The following DYNC1LI2 variants were observed in gnomAD, a reference collection of about 807,000 sequenced individuals.
The protein encoded by DYNC1LI2 is cytoplasmic dynein 1 light intermediate chain 2.
DYNC1LI2 carries 19 observed loss-of-function variants against 57.8 expected under a neutral mutation model. That is an observed-to-expected ratio of 0.33 (90% CI 0.23 to 0.48). The LOEUF is 0.48. DYNC1LI2 is among the 20% of genes least tolerant of loss of function. DYNC1LI2 has a pLI of 0.99. For missense variants in DYNC1LI2, 470 were observed against 604.2 expected (o/e 0.78, Z 2.33); for synonymous variants, 256 against 233.4 (o/e 1.10, Z -0.88).
At chr16:66,730,526 A>C (rs1402119519) in intron 7 of DYNC1LI2, 1 of 229,858 alleles carries the variant, frequency 4.4e-6, no homozygotes, top group Admixed American at 5.4e-5. Context: ...TCTGCCTAGA[A>C]GAGCAAGGAC....
intron 4 of DYNC1LI2, 146 bp downstream of exon 4, chr16:66,742,292 T>A (rs2017854197): frequency 1.3e-6 from 1 of 763,720 alleles, no homozygotes; most frequent in South Asian, 1.9e-5. Context: ...ACTACTGAGT[T>A]TACAAGAGGA....
chr16:66,723,935 C>G, intron 12 of DYNC1LI2, 113 bp from the exon 13 acceptor site: 1 of 853,084 alleles, frequency 1.2e-6, no homozygotes, highest in Non-Finnish European at 1.8e-6. Context: ...ATGACAGTAA[C>G]CTTAATAAGA....
Position 66,751,193 on chromosome 16 carries a change from G to C in DYNC1LI2, c.181+80C>G. 1 of 1,478,174 alleles carries C rather than the reference G, an allele frequency of 6.8e-7. No homozygotes were observed. Among genetic ancestry groups the C allele is most frequent in the Non-Finnish European group, 9.2e-7 (1 of 1,091,950 alleles). The allele number at this position is 1,478,174 out of a possible 1,614,324, so 91.6% of individuals were successfully genotyped here. ...GGCTGCGGGCAGGCGGCTGGAACGG[G>C]GAAGGCGGGGACCTGAGGGAGGGGC... On this transcript the variant is annotated intron_variant, in intron 2 of 12. Transcript: ENST00000258198. This position sits in a 1 kb window ranked among gnomAD's most constrained non-coding sequence, Gnocchi z 5.2.
At chr16:66,742,782 A>G in intron 3 of DYNC1LI2, 114 bp from the exon 4 acceptor site, 1 of 1,259,582 alleles carries the variant, frequency 7.9e-7, no homozygotes, top group Non-Finnish European at 1.1e-6. Context: ...TTCTAAATAG[A>G]ATGCAAAATT....
Position 66,729,113 on chromosome 16 carries a change from T to C in DYNC1LI2, c.1042-14A>G, listed in dbSNP as rs770746911. ...GTCGTGGACCAGCTGTGAAACAACA[T>C]ACATGTTTGTGGCCACAGGCCAAGA... On this transcript the variant is annotated splice_polypyrimidine_tract_variant and intron_variant, in intron 8 of 12. Coordinates refer to ENST00000258198, the MANE Select transcript of DYNC1LI2 (RefSeq NM_006141.3). The C allele has an allele frequency of 1.2e-6, 2 of 1,613,988 alleles. No homozygotes were observed. The highest frequency in any genetic ancestry group is 1.3e-5 in the African/African-American group (1 of 75,060).
At chr16:66,739,600 A>G (rs1339464739) in intron 4 of DYNC1LI2, among the ~76,000 whole-genome samples, 4 of 151,978 alleles carry the variant, frequency 2.6e-5, no homozygotes, top group African/African-American at 9.7e-5. Context: ...ATGACTGGCT[A>G]AATTTTTTTA....
At chr16:66,735,058 T>C (rs2144984886) in intron 5 of DYNC1LI2, among the ~76,000 whole-genome samples, 1 of 146,048 alleles carries the variant, frequency 6.8e-6, no homozygotes, top group East Asian at 2.0e-4. Flanking sequence ...ATATAAGAGA[T>C]ACAACTTTAT....
In DYNC1LI2 at chr16:66,751,527, G is replaced by A; in HGVS notation, c.65C>T (p.Ala22Val). The change falls in exon 1 of 13, where the codon GCC becomes GTC. Residue 22 changes from alanine (A) to valine (V), a missense_variant. Coordinates refer to ENST00000258198, the MANE Select transcript of DYNC1LI2 (RefSeq NM_006141.3). This position sits in a 1 kb window ranked among gnomAD's most constrained non-coding sequence, Gnocchi z 5.2. Reference sequence around the variant, plus strand: ...CTCCTCCTCACTGGTCAGGTCGCCGGCGGCCGCCACCGCGGGCCCGTTGGG... The same window carrying A: ...CTCCTCCTCACTGGTCAGGTCGCCGACGGCCGCCACCGCGGGCCCGTTGGG... ...LGPNGPAVAA[A>V]GDLTSEEEEG... is the part of the protein sequence containing the mutation. 33 of 1,588,136 alleles carry A rather than the reference G, an allele frequency of 2.1e-5. No homozygotes were observed. The highest frequency in any genetic ancestry group is 2.8e-5 in the Non-Finnish European group (33 of 1,169,744).
At chr16:66,733,594 A>G (rs991304936) in intron 6 of DYNC1LI2, 1 of 152,726 alleles carries the variant, frequency 6.5e-6, no homozygotes, top group East Asian at 1.9e-4. Context: ...AATCCCAGCT[A>G]CTTGGGAGGC....
intron 7 of DYNC1LI2, chr16:66,730,464 A>C: frequency 2.7e-6 from 1 of 373,650 alleles, no homozygotes; most frequent in East Asian, 4.8e-5. Flanking sequence ...CCAGTATGAG[A>C]TCCCATTCCA....
At chr16:66,728,154 AC>A in intron 10 of DYNC1LI2, 46 bp downstream of exon 10, 1 of 1,611,262 alleles carries the variant, frequency 6.2e-7, no homozygotes, top group Non-Finnish European at 8.5e-7. Flanking sequence ...GTTTGATGAC[AC>A]CCACAACACT....
chr16:66,749,085 GA>G, intron 3 of DYNC1LI2, 111 bp downstream of exon 3: 1 of 1,061,078 alleles, frequency 9.4e-7, no homozygotes, highest in Non-Finnish European at 1.4e-6. Context: ...TTAACTCTCT[GA>G]GAACCAAACA....
intron 4 of DYNC1LI2, among the ~76,000 whole-genome samples, chr16:66,737,282 C>T (rs2017751078): frequency 1.3e-5 from 2 of 151,694 alleles, no homozygotes; most frequent in Non-Finnish European, 2.9e-5. Flanking sequence ...CCTCAAAAAA[C>T]AAAACAAAAC....
At chr16:66,736,532 G>A (rs1286700440) in intron 4 of DYNC1LI2, among the ~76,000 whole-genome samples, 1 of 152,012 alleles carries the variant, frequency 6.6e-6, no homozygotes, top group African/African-American at 2.4e-5. Context: ...TCTTTTTTGA[G>A]ACAAAGTCTT....
rs1177755591 is a variant in DYNC1LI2, at chr16:66,723,020, G to A, written c.*702C>T. The A allele has an allele frequency of 3.2e-6, 1 of 315,890 alleles. No individual in the cohort carries two copies. Among genetic ancestry groups the A allele is most frequent in the East Asian group, 7.8e-5 (1 of 12,868 alleles). 19.6% of individuals were successfully genotyped at this position (315,890 alleles called of 1,614,324 possible). On this transcript the variant is annotated 3_prime_UTR_variant, in exon 13 of 13. Transcript: ENST00000258198. Reference sequence around the variant, plus strand: ...AGCCTGGGCCAAGCACATGGGTCCTGGGCAGCTGCCATCGTTCCCACCCCT... The same window carrying A: ...AGCCTGGGCCAAGCACATGGGTCCTAGGCAGCTGCCATCGTTCCCACCCCT...
intron 5 of DYNC1LI2, among the ~76,000 whole-genome samples, 154 bp downstream of exon 5, chr16:66,735,921 A>G (rs1349311537): frequency 1.3e-5 from 2 of 152,076 alleles, no homozygotes; most frequent in African/African-American, 4.8e-5. Flanking sequence ...TTACATGATA[A>G]TTTTTTCTGT....
chr16:66,748,979 G>A (rs2017990338), intron 3 of DYNC1LI2, among the ~76,000 whole-genome samples: 4 of 152,208 alleles, frequency 2.6e-5, no homozygotes, highest in African/African-American at 9.6e-5. Context: ...AGGCTAGCCA[G>A]AGCAACAGCT....
chr16:66,732,425 G>A lies in DYNC1LI2; in HGVS notation c.843C>T (p.Asp281=). The A allele has an allele frequency of 6.2e-7, 1 of 1,613,742 alleles. No individual in the cohort carries two copies. Among genetic ancestry groups the A allele is most frequent in the Non-Finnish European group, 8.5e-7 (1 of 1,179,958 alleles). ...YTSVKEEKNL[D]LLYKYIVHKT... ...TATGAACAATATACTTATACAACAAGTCGAGGTTTTTCTCTTCTTTCACTG... is the reference window on the plus strand; with the variant it reads ...TATGAACAATATACTTATACAACAAATCGAGGTTTTTCTCTTCTTTCACTG... Residue 281 remains aspartate, a synonymous_variant, in exon 7 of 13, where the codon GAC becomes GAT. Transcript: ENST00000258198.
Position 66,723,584 on chromosome 16 carries a change from GTTTT to G in DYNC1LI2, c.*134_*137del. The stretch of plus-strand genomic sequence containing the variant: ...TTTCACACTCGGACAAGCCAATGAA[GTTTT>G]TTTTTTTTTTTTAAAGTTCATCTCC... On this transcript the variant is annotated 3_prime_UTR_variant, in exon 13 of 13. Transcript: ENST00000258198. The G allele has an allele frequency of 6.8e-6, 4 of 584,130 alleles. No individual in the cohort carries two copies. Among genetic ancestry groups the G allele is most frequent in the Non-Finnish European group, 8.7e-6 (3 of 344,628 alleles). The allele number at this position is 584,130 out of a possible 1,614,324, so 36.2% of individuals were successfully genotyped here.
Sources: allele counts gnomAD v4.1 joint callset (sites outside exome capture counted in the v4.1 genomes callset), GRCh38; gene constraint gnomAD v4.1.1; non-coding constraint Gnocchi (gnomAD v3.1); transcripts MANE v1.5; gene names NCBI Gene and HGNC (gene_info 2026-07-23, HGNC 2026-07-21).